The following LSAMP variants were observed in gnomAD, a reference collection of about 807,000 sequenced individuals.
The protein encoded by LSAMP is limbic system associated membrane protein.
A neutral mutation model predicts 38.6 loss-of-function variants in LSAMP; 7 were observed. The observed-to-expected ratio is 0.18, with a 90% CI of 0.10 to 0.34. The LOEUF is 0.34. Ranked by LOEUF, LSAMP falls within the 10% of genes least tolerant of loss-of-function variation. The probability of loss-of-function intolerance (pLI) is 1.00; values close to 1 mark genes in which losing one functional copy is unlikely to be tolerated. For missense variants in LSAMP, 313 were observed against 420.0 expected (o/e 0.75, Z 2.23); for synonymous variants, 154 against 166.8 (o/e 0.92, Z 0.59).
intron 3 of LSAMP, among the ~76,000 whole-genome samples, chr3:115,946,984 AAG>A (rs1427968427): frequency 6.7e-6 from 1 of 148,330 alleles, no homozygotes; most frequent in Non-Finnish European, 1.5e-5. Context: ...AAGAAATAAA[AAG>A]TTGCATTAGC....
At chr3:116,262,248 C>T (rs2046835355) in intron 1 of LSAMP, among the ~76,000 whole-genome samples, 1 of 152,106 alleles carries the variant, frequency 6.6e-6, no homozygotes, top group Non-Finnish European at 1.5e-5. Flanking sequence ...ACCTGTTGTG[C>T]CTGTTGCTGT....
intron 6 of LSAMP, among the ~76,000 whole-genome samples, chr3:115,822,196 T>A (rs1377715226): frequency 6.6e-6 from 1 of 152,186 alleles, no homozygotes; most frequent in Non-Finnish European, 1.5e-5. Context: ...TAAACCTCAA[T>A]GTCAAATATT....
At chr3:116,350,478 G>A (rs557553216) in intron 1 of LSAMP, among the ~76,000 whole-genome samples, 1 of 152,090 alleles carries the variant, frequency 6.6e-6, no homozygotes, top group East Asian at 1.9e-4. Flanking sequence ...TTCTGAGTAT[G>A]GTGATAAAAT....
At chr3:116,276,816 T>C (rs955298625) in intron 1 of LSAMP, among the ~76,000 whole-genome samples, 3 of 152,114 alleles carry the variant, frequency 2.0e-5, no homozygotes, top group Non-Finnish European at 4.4e-5. Context: ...ACAATTCTTA[T>C]TGAGAGCATC....
intron 1 of LSAMP, among the ~76,000 whole-genome samples, chr3:116,126,978 C>A (rs1386572335): frequency 1.3e-5 from 2 of 152,170 alleles, no homozygotes; most frequent in African/African-American, 4.8e-5. Flanking sequence ...CTCTGAAAAT[C>A]TTTAAGGCAT....
intron 1 of LSAMP, among the ~76,000 whole-genome samples, chr3:116,385,846 T>A (rs538854551): frequency 6.6e-6 from 1 of 152,216 alleles, no homozygotes; most frequent in African/African-American, 2.4e-5. Flanking sequence ...GTGGTGTTAG[T>A]AGGTATGTGT....
chr3:116,430,625 T>C (rs530421160), intron 1 of LSAMP, among the ~76,000 whole-genome samples: 1 of 152,170 alleles, frequency 6.6e-6, no homozygotes, highest in South Asian at 2.1e-4. Context: ...TAAATATAAT[T>C]ATAGATACTT....
chr3:115,855,138 T>C (rs2107526985), intron 3 of LSAMP, among the ~76,000 whole-genome samples: 2 of 152,234 alleles, frequency 1.3e-5, no homozygotes, highest in South Asian at 4.2e-4. Flanking sequence ...GGATTATGGG[T>C]CCCTACTTCG....
intron 3 of LSAMP, among the ~76,000 whole-genome samples, chr3:115,944,828 G>A (rs1188961594): frequency 6.6e-6 from 1 of 152,134 alleles, no homozygotes; most frequent in African/African-American, 2.4e-5. Context: ...CTATGGTATA[G>A]CGCCTCTCTC....
intron 3 of LSAMP, among the ~76,000 whole-genome samples, chr3:115,920,275 A>G (rs1372606089): frequency 5.9e-5 from 9 of 152,202 alleles, no homozygotes; most frequent in Admixed American, 5.2e-4. Context: ...ACTGGTTTCC[A>G]TACTGGCTGC....
chr3:116,312,160 C>T (rs562534379), intron 1 of LSAMP, among the ~76,000 whole-genome samples: 235 of 152,300 alleles, frequency 1.5e-3, no homozygotes, highest in African/African-American at 5.4e-3. Context: ...CCTAAATTCG[C>T]ATGTACTCCC....
chr3:116,040,919 GTATT>G (rs573272090), intron 2 of LSAMP, among the ~76,000 whole-genome samples: 6 of 151,900 alleles, frequency 3.9e-5, no homozygotes, highest in Non-Finnish European at 8.8e-5. Flanking sequence ...TAATTTAATT[GTATT>G]TATTTATTTA....
intron 3 of LSAMP, among the ~76,000 whole-genome samples, chr3:115,891,026 A>G (rs1371107467): frequency 2.0e-5 from 3 of 152,072 alleles, no homozygotes; most frequent in African/African-American, 4.8e-5. Context: ...TGTTTCCATT[A>G]TGACACAAAT....
intron 3 of LSAMP, among the ~76,000 whole-genome samples, chr3:115,900,413 G>T (rs1379736207): frequency 1.3e-5 from 2 of 151,674 alleles, no homozygotes; most frequent in Admixed American, 6.6e-5. Context: ...CTACTTGGGG[G>T]GCTGAGGCAG....
At chr3:116,190,210 G>C (rs1421273120) in intron 1 of LSAMP, among the ~76,000 whole-genome samples, 2 of 151,902 alleles carry the variant, frequency 1.3e-5, no homozygotes, top group Non-Finnish European at 2.9e-5. Flanking sequence ...TTCCTGGATG[G>C]TGCACTTGTC....
intron 6 of LSAMP, among the ~76,000 whole-genome samples, chr3:115,826,099 T>TTATTTTTA (rs1559838001): frequency 2.2e-5 from 3 of 134,464 alleles, no homozygotes; most frequent in African/African-American, 1.0e-4. Context: ...TCTCTTTCTG[T>TTATTTTTA]CTTTTATTTT....
chr3:116,239,643 C>T (rs1367138808), intron 1 of LSAMP, among the ~76,000 whole-genome samples: 4 of 152,036 alleles, frequency 2.6e-5, no homozygotes, highest in African/African-American at 4.8e-5. Flanking sequence ...AAGGACCAAA[C>T]AGAACAACAT....
At chr3:115,822,006 C>T (rs1305412275) in intron 6 of LSAMP, among the ~76,000 whole-genome samples, 2 of 152,218 alleles carry the variant, frequency 1.3e-5, no homozygotes, top group Admixed American at 6.5e-5. Context: ...TTTCAAGCCA[C>T]ACTTTGAAAG....
At chr3:116,103,124 C>G (rs1708384764) in intron 1 of LSAMP, among the ~76,000 whole-genome samples, 1 of 152,048 alleles carries the variant, frequency 6.6e-6, no homozygotes, top group Non-Finnish European at 1.5e-5. Flanking sequence ...AGTTTCTTTA[C>G]TATATTAATC....
Sources: gnomAD v4.1 joint callset for allele counts (sites outside exome capture counted in the v4.1 genomes callset) on GRCh38, gnomAD v4.1.1 for gene constraint, MANE v1.5 for transcripts, NCBI Gene and HGNC (gene_info 2026-07-23, HGNC 2026-07-21) for gene names.